The following ARHGEF16 variants were observed in gnomAD, a reference collection of about 807,000 sequenced individuals.
ARHGEF16 encodes Rho guanine nucleotide exchange factor 16, also known as Rho guanine exchange factor (GEF) 16.
In ARHGEF16, 59 loss-of-function variants were observed where a neutral mutation model predicts 74.1. That is an observed-to-expected ratio of 0.80 (90% CI 0.65 to 0.99). The LOEUF is 0.99. Ranked by LOEUF, ARHGEF16 falls within the 50% of genes least tolerant of loss-of-function variation. The pLI is 0.00. For missense variants in ARHGEF16, 948 were observed against 986.6 expected (o/e 0.96, Z 0.52); for synonymous variants, 415 against 412.6 (o/e 1.01, Z -0.07).
At chr1:3,478,104 G>T in intron 11 of ARHGEF16, 78 bp downstream of exon 11, 1 of 1,594,960 alleles carries the variant, frequency 6.3e-7, no homozygotes, top group Non-Finnish European at 8.6e-7. Flanking sequence ...GGAGGGTACA[G>T]GGAGTTGGCC....
intron 3 of ARHGEF16, 35 bp from the exon 4 acceptor site, chr1:3,467,133 C>G (rs1157080343): frequency 6.5e-7 from 1 of 1,535,812 alleles, no homozygotes; most frequent in Non-Finnish European, 8.8e-7. Flanking sequence ...TTTGCAATCC[C>G]CCAGGGCCAC....
chr1:3,474,633 G>A, intron 8 of ARHGEF16, 75 bp from the exon 9 acceptor site: 1 of 1,417,506 alleles, frequency 7.1e-7, no homozygotes, highest in East Asian at 2.3e-5. Context: ...CCCACACGGG[G>A]TCTGGCGTTG....
rs752602093 is a variant in ARHGEF16, at chr1:3,477,768, T to G, written c.1474-107T>G. ...CACCCAGTCCAGAGGCAGGAGTCAG[T>G]CCCACCTGGTGCTATGCGTCCTTGA... On this transcript the variant is annotated intron_variant, in intron 10 of 14. Transcript: ENST00000378378. The G allele has an allele frequency of 2.8e-6, 3 of 1,058,042 alleles. No homozygotes were observed. In the African/African-American group the frequency reaches 4.7e-5, roughly 17 times the overall value. 65.5% of individuals were successfully genotyped at this position (1,058,042 alleles called of 1,614,324 possible).
intron 2 of ARHGEF16, 78 bp from the exon 3 acceptor site, chr1:3,466,070 G>C: frequency 6.7e-7 from 1 of 1,491,206 alleles, no homozygotes; most frequent in Non-Finnish European, 9.1e-7. Flanking sequence ...GAGGTCTCTG[G>C]GGTCCCAGGG....
intron 10 of ARHGEF16, 38 bp from the exon 11 acceptor site, chr1:3,477,837 C>T (rs1231158854): frequency 2.5e-6 from 4 of 1,608,620 alleles, no homozygotes; most frequent in Non-Finnish European, 3.4e-6. Context: ...CCCCCAGTCC[C>T]TCGCACTGAT....
chr1:3,464,671 G>C (rs1439420138), intron 2 of ARHGEF16, among the ~76,000 whole-genome samples: 1 of 152,232 alleles, frequency 6.6e-6, no homozygotes, highest in African/African-American at 2.4e-5. Context: ...TGAAGGACGA[G>C]GGCGGGGGCA....
intron 1 of ARHGEF16, among the ~76,000 whole-genome samples, chr1:3,459,450 G>A (rs1639342350): frequency 6.6e-6 from 1 of 152,206 alleles, no homozygotes; most frequent in African/African-American, 2.4e-5. Flanking sequence ...GACATTTTCA[G>A]GCAGTCCAAA....
At chr1:3,473,566 G>C in intron 8 of ARHGEF16, 44 bp downstream of exon 8, 2 of 1,600,172 alleles carry the variant, frequency 1.2e-6, no homozygotes, top group Non-Finnish European at 1.7e-6. Flanking sequence ...ACCATCCTGG[G>C]GTCCCACGGC....
At chr1:3,471,767 G>A (rs771821307) in intron 6 of ARHGEF16, 81 of 1,151,358 alleles carry the variant, frequency 7.0e-5, no homozygotes, top group South Asian at 3.1e-4. Flanking sequence ...ACAGTGAACT[G>A]TCTGGGGAAT....
At chr1:3,469,321 G>A in intron 5 of ARHGEF16, 112 bp from the exon 6 acceptor site, 2 of 1,291,720 alleles carry the variant, frequency 1.5e-6, no homozygotes, top group Admixed American at 2.0e-5. Context: ...TGGGGTTCCT[G>A]TCCCCACCTG....
At chr1:3,468,687 G>A (rs1345636092) in intron 4 of ARHGEF16, 193 bp from the exon 5 acceptor site, 2 of 642,112 alleles carry the variant, frequency 3.1e-6, no homozygotes, top group South Asian at 1.8e-5. Context: ...GACCCAAGGC[G>A]GGTTACACAG....
rs140197967 is a variant in ARHGEF16 at position 3,473,148 on chromosome 1, G to A, written c.1093G>A (p.Glu365Lys). The change falls in exon 7 of 15, where the codon GAG becomes AAG. Residue 365 changes from glutamate to lysine, a missense_variant. Glu to Lys is a moderately conservative substitution (Grantham distance 56). Transcript: ENST00000378378. ...CGAGGACATCAGTGACATCCTGGAG[G>A]AGCACGCTGAGAAGCACTTCCACCC... ...LVEDISDILE[E>K]HAEKHFHPYI... 1.9e-6 allele frequency: 3 copies of A among 1,613,364 alleles called. No individual in the cohort carries two copies. Among genetic ancestry groups the A allele is most frequent in the Non-Finnish European group, 1.7e-6 (2 of 1,179,990 alleles).
At chr1:3,477,789 C>T in intron 10 of ARHGEF16, 86 bp from the exon 11 acceptor site, 1 of 1,327,724 alleles carries the variant, frequency 7.5e-7, no homozygotes, top group Non-Finnish European at 1.1e-6. Flanking sequence ...GCTATGCGTC[C>T]TTGACCCCCT....
Position 3,480,446 on chromosome 1 carries a change from A to G in ARHGEF16, c.1991-2A>G, listed in dbSNP as rs768266237. On this transcript the variant is annotated splice_acceptor_variant, in intron 14 of 14. Coordinates refer to ENST00000378378, the MANE Select transcript of ARHGEF16 (RefSeq NM_014448.4). LOFTEE classifies it high-confidence loss of function. The stretch of plus-strand genomic sequence containing the variant: ...CTCCCTCCCACCCCTATCCGGGTTC[A>G]GGGTGGCTCTATGGCGAGAGGCTCC... 1.2e-6 allele frequency: 2 copies of G among 1,612,406 alleles called. No individual in the cohort carries two copies. The highest frequency in any genetic ancestry group is 2.2e-5 in the South Asian group (2 of 91,074).
chr1:3,456,439 G>A (rs1279510305), intron 1 of ARHGEF16, among the ~76,000 whole-genome samples: 1 of 152,206 alleles, frequency 6.6e-6, no homozygotes, highest in African/African-American at 2.4e-5. Flanking sequence ...GGGACCATCC[G>A]TCTGGAGCAG....
intron 4 of ARHGEF16, among the ~76,000 whole-genome samples, 153 bp downstream of exon 4, chr1:3,467,490 G>A (rs1639581109): frequency 6.6e-6 from 1 of 152,208 alleles, no homozygotes; most frequent in African/African-American, 2.4e-5. Context: ...CCCCTCGGCT[G>A]TGGGTGGCAG....
At chr1:3,475,867 G>C in intron 9 of ARHGEF16, 103 bp from the exon 10 acceptor site, 1 of 1,209,732 alleles carries the variant, frequency 8.3e-7, no homozygotes, top group East Asian at 2.7e-5. Context: ...ACTGTGGGCA[G>C]CCAGAGGCTG....
At chr1:3,477,824 T>TC (rs746101431) in intron 10 of ARHGEF16, 51 bp from the exon 11 acceptor site, 39 of 1,586,164 alleles carry the variant, frequency 2.5e-5, no homozygotes, top group Admixed American at 2.2e-4. Context: ...CCCGGCTCTG[T>TC]CCCCCCCAGT....
At chr1:3,477,456 C>T (rs1299157764) in intron 10 of ARHGEF16, among the ~76,000 whole-genome samples, 1 of 148,000 alleles carries the variant, frequency 6.8e-6, no homozygotes, top group Non-Finnish European at 1.5e-5. Flanking sequence ...AGACGTGGAG[C>T]GTGGCCATCA....
Sources: allele counts gnomAD v4.1 joint callset (sites outside exome capture counted in the v4.1 genomes callset), GRCh38; gene constraint gnomAD v4.1.1; transcripts MANE v1.5; gene names NCBI Gene and HGNC (gene_info 2026-07-23, HGNC 2026-07-21).